The following ZNF791 variants were observed in gnomAD, a reference collection of about 807,000 sequenced individuals.
ZNF791 encodes zinc finger protein 791.
A neutral mutation model predicts 11.5 loss-of-function variants in ZNF791; 4 were observed. The observed-to-expected ratio is 0.35, with a 90% CI of 0.17 to 0.80. The LOEUF is 0.80. Ranked by LOEUF, ZNF791 falls within the 30% of genes least tolerant of loss-of-function variation. ZNF791 has a pLI of 0.53. For synonymous variants in ZNF791, 212 were observed against 228.1 expected, an observed-to-expected ratio of 0.93 and a Z score of 0.64; for missense variants, 559 against 699.4, an observed-to-expected ratio of 0.80 and a Z score of 2.26.
intron 1 of ZNF791, among the ~76,000 whole-genome samples, chr19:12,620,055 C>T (rs1264275276): frequency 6.6e-6 from 1 of 152,004 alleles, no homozygotes; most frequent in Non-Finnish European, 1.5e-5. Flanking sequence ...TCCCGAGTAG[C>T]TGGGACTACA....
chr19:12,615,603 AC>A (rs1176575683), intron 1 of ZNF791, among the ~76,000 whole-genome samples: 1 of 151,824 alleles, frequency 6.6e-6, no homozygotes, highest in East Asian at 1.9e-4. Context: ...ACATGACAAA[AC>A]CCCGTCTCTA....
chr19:12,624,229 T>C (rs1266474265), intron 2 of ZNF791, among the ~76,000 whole-genome samples: 2 of 143,920 alleles, frequency 1.4e-5, no homozygotes, highest in Non-Finnish European at 3.0e-5. Context: ...CTTGGCTCAC[T>C]GTAACCTCCG....
rs2023516608 is a variant in ZNF791, at chr19:12,632,918, A to T, written c.*3658A>T. ...AGACCATCCTGGCTAATACAGTGAA[A>T]CCCCGTCTCTACTATAAATACAAAA... On this transcript the variant is annotated 3_prime_UTR_variant, in exon 4 of 4. Transcript: ENST00000343325. 6.6e-6 allele frequency: 1 copy of T among 151,884 alleles called. No homozygotes were observed. The highest frequency in any genetic ancestry group is 2.4e-5 in the African/African-American group (1 of 41,314). The allele number at this position is 151,884 out of a possible 1,614,324, so 9.4% of individuals were successfully genotyped here.
At chr19:12,627,564 T>G in intron 3 of ZNF791, among the ~76,000 whole-genome samples, 157 bp from the exon 4 acceptor site, 1 of 152,132 alleles carries the variant, frequency 6.6e-6, no homozygotes, top group East Asian at 1.9e-4. Context: ...AGGTGGAGGT[T>G]GCAGTGAGCT....
intron 1 of ZNF791, among the ~76,000 whole-genome samples, chr19:12,615,779 CAAA>C (rs1184737319): frequency 8.6e-5 from 5 of 58,418 alleles, no homozygotes; most frequent in African/African-American, 1.5e-4. Context: ...GACTCCGTCT[CAAA>C]AAAAAAAAAA....
Position 12,614,906 on chromosome 19 carries a change from T to TTTTTTTTTTTTTTG in ZNF791, c.3+3837_3+3838insGTTTTTTTTTTTTT, listed in dbSNP as rs1438013895. Among the ~76,000 whole-genome samples the TTTTTTTTTTTTTTG allele has an allele frequency of 1.5e-5, 2 of 131,924 alleles. 1 individual carries two copies. The highest frequency in any genetic ancestry group is 6.4e-5 in the African/African-American group (2 of 31,248). 86.5% of individuals were successfully genotyped at this position (131,924 alleles called of 152,430 possible). On this transcript the variant is annotated intron_variant, in intron 1 of 3. Coordinates refer to ENST00000343325, the MANE Select transcript of ZNF791 (RefSeq NM_153358.3). ...CTGCGTCCGGCCTTTTTTTTTTTTT[T>TTTTTTTTTTTTTTG]TTTTTTTTTTTTTTTTTTTTTGATA...
intron 1 of ZNF791, among the ~76,000 whole-genome samples, chr19:12,615,218 A>G (rs946935675): frequency 6.7e-6 from 1 of 149,154 alleles, no homozygotes; most frequent in African/African-American, 2.5e-5. Flanking sequence ...GTTTCGCCAT[A>G]TTGCCCAGGC....
intron 2 of ZNF791, 48 bp downstream of exon 2, chr19:12,623,874 G>C: frequency 1.1e-6 from 1 of 948,384 alleles, no homozygotes; most frequent in East Asian, 2.5e-5. Flanking sequence ...TTTTTTTGGG[G>C]GGGGACAGAG....
At chr19:12,618,214 A>C (rs2023277321) in intron 1 of ZNF791, among the ~76,000 whole-genome samples, 1 of 152,074 alleles carries the variant, frequency 6.6e-6, no homozygotes, top group Non-Finnish European at 1.5e-5. Flanking sequence ...CACCACGTCC[A>C]CCAACCATCT....
chr19:12,633,637 T>G lies in ZNF791; in HGVS notation c.*4377T>G, dbSNP rs1028540242. On this transcript the variant is annotated 3_prime_UTR_variant, in exon 4 of 4. Coordinates refer to ENST00000343325, the MANE Select transcript of ZNF791 (RefSeq NM_153358.3). ...CAAAGATCCACGTACAGTTTGGATT[T>G]TCCTTCTAGCCTTCATGTGTGGCCC... 3 of 152,212 alleles carry G rather than the reference T, an allele frequency of 2.0e-5. No individual in the cohort carries two copies. Among genetic ancestry groups the G allele is most frequent in the African/African-American group, 7.2e-5 (3 of 41,458 alleles). The allele number at this position is 152,212 out of a possible 1,614,324, so 9.4% of individuals were successfully genotyped here. A position where few individuals can be genotyped will look rare whatever the true frequency, so the allele number is the denominator to read the frequency against.
rs990579799 is a variant in ZNF791, at chr19:12,630,616, A to G, written c.*1356A>G. ...TCCTTAAGGAGATATTCCCGGAAAA[A>G]CTTTGTTATGATAGGCGATGACGGC... On this transcript the variant is annotated 3_prime_UTR_variant, in exon 4 of 4. Coordinates refer to ENST00000343325, the MANE Select transcript of ZNF791 (RefSeq NM_153358.3). The G allele has an allele frequency of 6.6e-6, 1 of 152,170 alleles. No homozygotes were observed. Among genetic ancestry groups the G allele is most frequent in the Middle Eastern group, 3.4e-3 (1 of 294 alleles). 9.4% of individuals were successfully genotyped at this position (152,170 alleles called of 1,614,324 possible).
intron 1 of ZNF791, among the ~76,000 whole-genome samples, chr19:12,614,796 GTT>G (rs914110271): frequency 7.2e-6 from 1 of 139,002 alleles, no homozygotes; most frequent in African/African-American, 2.7e-5. Context: ...GTTTCTCCAT[GTT>G]TGTCAGTCTG....
In ZNF791 at chr19:12,628,633, C is replaced by CA; in HGVS notation, c.1105dup (p.Ser369LysfsTer7). On this transcript the variant is annotated frameshift_variant, in exon 4 of 4. Coordinates refer to ENST00000343325, the MANE Select transcript of ZNF791 (RefSeq NM_153358.3). LOFTEE classifies it low-confidence loss of function (END_TRUNC). Reference sequence around the variant, plus strand: ...AATGTGGGAAAGCCTTTAGTAGAATCAGTTACTTTCGAATACATGAAAGGA... The same window carrying CA: ...AATGTGGGAAAGCCTTTAGTAGAATCAAGTTACTTTCGAATACATGAAAGGA... 1.9e-6 allele frequency: 3 copies of CA among 1,605,456 alleles called. No homozygotes were observed. Among genetic ancestry groups the CA allele is most frequent in the Non-Finnish European group, 2.6e-6 (3 of 1,176,428 alleles).
At chr19:12,614,912 T>TTTTTTTTTTTTTTTTG (rs2023220975) in intron 1 of ZNF791, among the ~76,000 whole-genome samples, 1 of 138,036 alleles carries the variant, frequency 7.2e-6, no homozygotes, top group Non-Finnish European at 1.5e-5. Context: ...TTTTTTTTTT[T>TTTTTTTTTTTTTTTTG]TTTTTTTTTT....
chr19:12,620,754 C>CTTTTTTTTTTTTTTTTTTTTTT lies in ZNF791; in HGVS notation c.4-2943_4-2922dup, dbSNP rs1051381342. Among the ~76,000 whole-genome samples, 3 of 83,452 alleles carry CTTTTTTTTTTTTTTTTTTTTTT rather than the reference C, an allele frequency of 3.6e-5. 1 individual carries two copies. Among genetic ancestry groups the CTTTTTTTTTTTTTTTTTTTTTT allele is most frequent in the African/African-American group, 1.6e-4 (3 of 18,668 alleles). The allele number at this position is 83,452 out of a possible 152,430, so 54.7% of individuals were successfully genotyped here. A position where few individuals can be genotyped will look rare whatever the true frequency, so the allele number is the denominator to read the frequency against. On this transcript the variant is annotated intron_variant, in intron 1 of 3. Coordinates refer to ENST00000343325, the MANE Select transcript of ZNF791 (RefSeq NM_153358.3). ...AAACTGGAGAAAGGGGATTTATGTT[C>CTTTTTTTTTTTTTTTTTTTTTT]TTTTTTTTTTTTTTTTTTTTTTTTG...
chr19:12,624,732 T>G, intron 3 of ZNF791, 22 bp downstream of exon 3: 1 of 1,580,488 alleles, frequency 6.3e-7, no homozygotes, highest in Non-Finnish European at 8.6e-7. Context: ...TCACAAGAAG[T>G]AACAGTGTTC....
intron 3 of ZNF791, among the ~76,000 whole-genome samples, chr19:12,625,356 G>A (rs886670149): frequency 6.6e-6 from 1 of 151,340 alleles, no homozygotes; most frequent in African/African-American, 2.4e-5. Flanking sequence ...CCTGACCTCA[G>A]GTGATCTGCC....
intron 2 of ZNF791, among the ~76,000 whole-genome samples, chr19:12,624,117 A>G (rs1376980793): frequency 6.7e-6 from 1 of 150,340 alleles, no homozygotes; most frequent in Non-Finnish European, 1.5e-5. Flanking sequence ...CAGCCTCCCA[A>G]AGTGCTGGGA....
intron 1 of ZNF791, among the ~76,000 whole-genome samples, chr19:12,613,732 G>T (rs1266439623): frequency 6.6e-6 from 1 of 152,134 alleles, no homozygotes; most frequent in Non-Finnish European, 1.5e-5. Flanking sequence ...AGGCCCAATT[G>T]GTTCTTCCTG....
Sources: gnomAD v4.1 joint callset for allele counts (sites outside exome capture counted in the v4.1 genomes callset) on GRCh38, gnomAD v4.1.1 for gene constraint, MANE v1.5 for transcripts, NCBI Gene and HGNC (gene_info 2026-07-23, HGNC 2026-07-21) for gene names.